The following PCDH7 variants were observed in gnomAD, a reference collection of about 807,000 sequenced individuals.
The protein encoded by PCDH7 is protocadherin-7.
A neutral mutation model predicts 58.9 loss-of-function variants in PCDH7; 17 were observed. The observed-to-expected ratio is 0.29, with a 90% CI of 0.20 to 0.43. The LOEUF is 0.43. PCDH7 is among the 20% of genes least tolerant of loss of function. The pLI is 1.00. For missense variants in PCDH7, 1,274 were observed against 1,441.0 expected (o/e 0.88, Z 1.88); for synonymous variants, 664 against 616.4 (o/e 1.08, Z -1.14).
chr4:31,036,747 T>C (rs1159240544), intron 3 of PCDH7, among the ~76,000 whole-genome samples: 1 of 152,164 alleles, frequency 6.6e-6, no homozygotes, highest in African/African-American at 2.4e-5. Flanking sequence ...CATACCTGTA[T>C]TAGTTCATTT....
intron 3 of PCDH7, among the ~76,000 whole-genome samples, chr4:31,124,049 C>T (rs1199435473): frequency 6.6e-6 from 1 of 151,994 alleles, no homozygotes; most frequent in Non-Finnish European, 1.5e-5. Context: ...TTTATGGGTA[C>T]AGGGTGAGGC....
chr4:30,789,356 G>C (rs1723818839), intron 1 of PCDH7, among the ~76,000 whole-genome samples: 1 of 152,174 alleles, frequency 6.6e-6, no homozygotes, highest in Admixed American at 6.5e-5. Context: ...CAGCCTGATT[G>C]AGTTCAGAAG....
At chr4:31,120,706 G>A (rs148774657) in intron 3 of PCDH7, among the ~76,000 whole-genome samples, 100 of 152,104 alleles carry the variant, frequency 6.6e-4, no homozygotes, top group Non-Finnish European at 1.3e-3. Context: ...TAATTAACTT[G>A]CATAAACCCA....
chr4:31,125,517 G>A (rs1031320965), intron 3 of PCDH7, among the ~76,000 whole-genome samples: 5 of 152,158 alleles, frequency 3.3e-5, no homozygotes, highest in Non-Finnish European at 7.3e-5. Context: ...TGATGGTTTG[G>A]CATATGATTT....
At chr4:30,808,711 CTA>C (rs1250745376) in intron 1 of PCDH7, among the ~76,000 whole-genome samples, 1 of 152,042 alleles carries the variant, frequency 6.6e-6, no homozygotes, top group African/African-American at 2.4e-5. Flanking sequence ...TTTGTATGCT[CTA>C]GAGTACAAAT....
chr4:30,963,378 A>T (rs1289727389), intron 3 of PCDH7, among the ~76,000 whole-genome samples: 1 of 152,138 alleles, frequency 6.6e-6, no homozygotes, highest in Admixed American at 6.6e-5. Flanking sequence ...AGAGCCCTAA[A>T]TTATGAAGTT....
intron 1 of PCDH7, among the ~76,000 whole-genome samples, chr4:30,823,581 C>T (rs190256976): frequency 3.4e-4 from 51 of 152,082 alleles, no homozygotes; most frequent in Admixed American, 8.5e-4. Context: ...TATGATGCTA[C>T]CTCGGCGTAC....
intron 1 of PCDH7, among the ~76,000 whole-genome samples, chr4:30,821,278 TG>T (rs1728341855): frequency 6.7e-6 from 1 of 148,618 alleles, no homozygotes; most frequent in Admixed American, 6.6e-5. Flanking sequence ...CCTAAAGTGT[TG>T]TTCTCCACAT....
At chr4:30,887,450 G>A (rs1418307579) in intron 1 of PCDH7, among the ~76,000 whole-genome samples, 1 of 152,046 alleles carries the variant, frequency 6.6e-6, no homozygotes, top group African/African-American at 2.4e-5. Flanking sequence ...TCAATAAATG[G>A]TTATTGAACT....
At chr4:31,044,715 T>C (rs1756146735) in intron 3 of PCDH7, among the ~76,000 whole-genome samples, 1 of 152,076 alleles carries the variant, frequency 6.6e-6, no homozygotes, top group Non-Finnish European at 1.5e-5. Flanking sequence ...AATTTGGTGT[T>C]TTAACAAACA....
At chr4:31,082,306 A>T (rs976349502) in intron 3 of PCDH7, among the ~76,000 whole-genome samples, 12 of 152,222 alleles carry the variant, frequency 7.9e-5, no homozygotes, top group African/African-American at 2.9e-4. Context: ...CAACCTTAAG[A>T]CTAGTGTAAG....
chr4:30,879,444 AT>A lies in PCDH7; in HGVS notation c.71-40700del, dbSNP rs138466060. On this transcript the variant is annotated intron_variant, in intron 1 of 3. Coordinates refer to the PCDH7 transcript ENST00000509759. ...GTGATCACACAAGTCATATTAGAGTATTTTTTTTTGCAAAATTTCTCTCTTA... is the reference window on the plus strand; with the variant it reads ...GTGATCACACAAGTCATATTAGAGTATTTTTTTTGCAAAATTTCTCTCTTA... Among the ~76,000 whole-genome samples, 332 of 151,178 alleles carry A rather than the reference AT, an allele frequency of 2.2e-3. 3 individuals are homozygous for A. Among genetic ancestry groups the A allele is most frequent in the Admixed American group, 3.6e-3 (55 of 15,136 alleles).
chr4:30,837,611 T>G (rs1447369), intron 1 of PCDH7, among the ~76,000 whole-genome samples: 18,304 of 151,948 alleles, frequency 0.12, 1,473 homozygotes, highest in East Asian at 0.26. Flanking sequence ...GGATGGGCAT[T>G]GTCTGTTTCA....
chr4:30,911,429 G>A (rs1211875450), intron 1 of PCDH7, among the ~76,000 whole-genome samples: 2 of 151,014 alleles, frequency 1.3e-5, no homozygotes, highest in South Asian at 4.2e-4. Context: ...AGCTGTGGCA[G>A]AGACCTATGG....
chr4:31,030,699 AAAGAC>A (rs1336918204), intron 3 of PCDH7, among the ~76,000 whole-genome samples: 1 of 152,196 alleles, frequency 6.6e-6, no homozygotes, highest in Non-Finnish European at 1.5e-5. Flanking sequence ...CTGCAAAAGA[AAAGAC>A]AAGACAGCTA....
intron 1 of PCDH7, among the ~76,000 whole-genome samples, chr4:30,907,941 C>G (rs1263452319): frequency 6.6e-6 from 1 of 152,060 alleles, no homozygotes; most frequent in Non-Finnish European, 1.5e-5. Flanking sequence ...GAGTTCATGT[C>G]CTTTGTGGGG....
intron 3 of PCDH7, among the ~76,000 whole-genome samples, chr4:31,025,497 T>C (rs1264018085): frequency 3.9e-5 from 6 of 152,238 alleles, no homozygotes; most frequent in Non-Finnish European, 5.9e-5. Flanking sequence ...GGATTCAGTC[T>C]TGCGTTGTTC....
chr4:31,036,794 A>G (rs1755449404), intron 3 of PCDH7, among the ~76,000 whole-genome samples: 1 of 152,160 alleles, frequency 6.6e-6, no homozygotes, highest in African/African-American at 2.4e-5. Context: ...AGACTGGGCA[A>G]TTTACTAAAG....
intron 3 of PCDH7, among the ~76,000 whole-genome samples, chr4:31,089,781 A>C (rs181606260): frequency 6.6e-6 from 1 of 152,128 alleles, no homozygotes; most frequent in African/African-American, 2.4e-5. Flanking sequence ...TGGAGAAGTA[A>C]CATTATATTC....
Sources: gnomAD v4.1 joint callset for allele counts (sites outside exome capture counted in the v4.1 genomes callset) on GRCh38, gnomAD v4.1.1 for gene constraint, MANE v1.5 for transcripts, NCBI Gene and HGNC (gene_info 2026-07-23, HGNC 2026-07-21) for gene names.